Variants in MALRD1 observed in about 807,000 individuals in gnomAD.
The protein encoded by MALRD1 is MAM and LDL-receptor class A domain-containing protein 1.
A neutral mutation model predicts 242.1 loss-of-function variants in MALRD1; 247 were observed. That is an observed-to-expected ratio of 1.02 (90% confidence interval 0.92 to 1.13). MALRD1 has a LOEUF of 1.13. Among genes scored for constraint, MALRD1 ranks in the 50% most tolerant of loss-of-function variants. MALRD1 has a pLI of 0.00. For missense variants in MALRD1, 2,989 were observed against 2,533.1 expected (o/e 1.18, Z -3.86); for synonymous variants, 995 against 866.6 (o/e 1.15, Z -2.60).
At chr10:19,322,873 G>T (rs1842959961) in intron 21 of MALRD1, among the ~76,000 whole-genome samples, 2 of 152,082 alleles carry the variant, frequency 1.3e-5, no homozygotes, top group Non-Finnish European at 2.9e-5. Context: ...TTAGAAAGTG[G>T]CAAGAAATCA....
At chr10:19,675,761 C>A (rs1842112432) in intron 36 of MALRD1, among the ~76,000 whole-genome samples, 1 of 152,202 alleles carries the variant, frequency 6.6e-6, no homozygotes, top group African/African-American at 2.4e-5. Context: ...GATGGACAAG[C>A]TTGTGCTAAT....
At chr10:19,668,399 A>G (rs1448920549) in intron 36 of MALRD1, among the ~76,000 whole-genome samples, 1 of 152,146 alleles carries the variant, frequency 6.6e-6, no homozygotes, top group African/African-American at 2.4e-5. Context: ...GACCTAAAAC[A>G]TAGCCCTTCA....
chr10:19,639,098 A>G (rs1158908458), intron 36 of MALRD1, among the ~76,000 whole-genome samples: 4 of 152,192 alleles, frequency 2.6e-5, no homozygotes, highest in Non-Finnish European at 4.4e-5. Context: ...CCAAAAGTTC[A>G]GATGTAGAAA....
chr10:19,659,520 T>G (rs1365733573), intron 36 of MALRD1, among the ~76,000 whole-genome samples: 4 of 152,170 alleles, frequency 2.6e-5, no homozygotes, highest in African/African-American at 9.6e-5. Context: ...AATTTTATTT[T>G]AAATTTTAAT....
Position 19,333,817 on chromosome 10 carries a change from T to A in MALRD1, c.3901+2235T>A, listed in dbSNP as rs962144965. On this transcript the variant is annotated intron_variant, in intron 24 of 39. Coordinates refer to ENST00000454679, the MANE Select transcript of MALRD1 (RefSeq NM_001142308.3). ...TAACCTCGCCAACATCTGTTCTTTTTTGGCTTTTTAATAAAGGCATTTTGA... is the reference window on the plus strand; with the variant it reads ...TAACCTCGCCAACATCTGTTCTTTTATGGCTTTTTAATAAAGGCATTTTGA... Among the ~76,000 whole-genome samples the A allele has an allele frequency of 3.9e-5, 6 of 152,098 alleles. No homozygotes were observed. The South Asian group carries it at 1.2e-3, about 32-fold the overall frequency.
chr10:19,177,664 G>T (rs1190657237), intron 14 of MALRD1, among the ~76,000 whole-genome samples: 1 of 152,078 alleles, frequency 6.6e-6, no homozygotes, highest in Non-Finnish European at 1.5e-5. Flanking sequence ...GTTTTTATTT[G>T]TTTTTCAGCC....
chr10:19,315,538 A>T (rs1344113509), intron 21 of MALRD1, among the ~76,000 whole-genome samples: 1 of 128,380 alleles, frequency 7.8e-6, no homozygotes, highest in African/African-American at 3.1e-5. Context: ...ATTTATATAA[A>T]TATATAAAAA....
chr10:19,717,843 C>G (rs1268221834), intron 38 of MALRD1, among the ~76,000 whole-genome samples: 4 of 151,896 alleles, frequency 2.6e-5, no homozygotes, highest in Admixed American at 6.6e-5. Flanking sequence ...ATGGCAAAAC[C>G]CTGTTTCTAC....
At chr10:19,125,299 TTCCTTCCTTCC>T (rs1837224581) in intron 7 of MALRD1, among the ~76,000 whole-genome samples, 1 of 50,378 alleles carries the variant, frequency 2.0e-5, no homozygotes, top group South Asian at 7.1e-4. Flanking sequence ...CTTTCCTTCC[TTCCTTCCTTCC>T]TTCCTTCCTT....
At chr10:19,214,711 ATTAAC>A (rs1213733869) in intron 18 of MALRD1, among the ~76,000 whole-genome samples, 1 of 152,206 alleles carries the variant, frequency 6.6e-6, no homozygotes, top group East Asian at 1.9e-4. Context: ...CTTATACATT[ATTAAC>A]TTAAGAAAAA....
At chr10:19,473,482 C>T (rs1836591821) in intron 29 of MALRD1, among the ~76,000 whole-genome samples, 2 of 150,500 alleles carry the variant, frequency 1.3e-5, no homozygotes, top group South Asian at 4.1e-4. Context: ...GCATCATTTT[C>T]TCCTTCCCCA....
chr10:19,071,942 T>C (rs930978975), intron 2 of MALRD1, among the ~76,000 whole-genome samples: 1 of 152,200 alleles, frequency 6.6e-6, no homozygotes, highest in Non-Finnish European at 1.5e-5. Flanking sequence ...CTCCGCATGC[T>C]CTTCCAGGAC....
chr10:19,452,878 GCATCTGGCTGTGT>G (rs1192457825), intron 29 of MALRD1, among the ~76,000 whole-genome samples: 6 of 152,142 alleles, frequency 3.9e-5, no homozygotes, highest in Admixed American at 2.0e-4. Context: ...TGTGGGCATG[GCATCTGGCTGTGT>G]CATCTGGCTC....
intron 33 of MALRD1, among the ~76,000 whole-genome samples, chr10:19,579,527 A>C (rs951421738): frequency 2.0e-5 from 3 of 152,220 alleles, no homozygotes; most frequent in African/African-American, 7.2e-5. Context: ...CCTGCTCATA[A>C]TTTCTGTGAG....
intron 29 of MALRD1, among the ~76,000 whole-genome samples, chr10:19,482,699 A>AC (rs1837053747): frequency 5.3e-5 from 8 of 151,652 alleles, no homozygotes; most frequent in South Asian, 2.1e-4. Flanking sequence ...ACATACACAC[A>AC]AAGCAAAAAA....
At position 19,382,264 on chromosome 10, in the gene MALRD1, A is replaced by G. The variant is rs147524324; in HGVS notation, c.4442-5264A>G. 3.5e-3 allele frequency among the ~76,000 whole-genome samples: 527 copies of G among 152,262 alleles called. 4 individuals are homozygous for G. Among genetic ancestry groups the G allele is most frequent in the African/African-American group, 0.012 (508 of 41,534 alleles). ...CTGTAAAAATAAATAGAATTTTGAC[A>G]TTCACAACAGGCCTGATCTACTTGT... On this transcript the variant is annotated intron_variant, in intron 26 of 39. Coordinates refer to ENST00000454679, the MANE Select transcript of MALRD1 (RefSeq NM_001142308.3).
chr10:19,719,206 A>ATATGTG (rs1834590983), intron 38 of MALRD1, among the ~76,000 whole-genome samples: 1 of 65,724 alleles, frequency 1.5e-5, no homozygotes, highest in East Asian at 4.0e-4. Context: ...ATATATATAT[A>ATATGTG]TATATACACA....
chr10:19,348,910 C>T (rs1284592298), intron 25 of MALRD1, among the ~76,000 whole-genome samples: 1 of 152,116 alleles, frequency 6.6e-6, no homozygotes, highest in African/African-American at 2.4e-5. Context: ...CTAGAGTGTT[C>T]CCCAATGTTT....
rs369976188 is a variant in MALRD1 at position 19,123,686 on chromosome 10, T to C, written c.796+93T>C. Reference sequence around the variant, plus strand: ...AGGAAAGTGCACGCGCCAACCTTTGTTGACATTAATGTCCTAGTTTTAGCT... The same window carrying C: ...AGGAAAGTGCACGCGCCAACCTTTGCTGACATTAATGTCCTAGTTTTAGCT... On this transcript the variant is annotated intron_variant, in intron 6 of 39. Transcript: ENST00000454679. 82 of 621,448 alleles carry C rather than the reference T, an allele frequency of 1.3e-4. No homozygotes were observed. In the African/African-American group the frequency reaches 1.5e-3, roughly 11 times the overall value. 38.5% of individuals were successfully genotyped at this position (621,448 alleles called of 1,614,324 possible).
Sources: gnomAD v4.1 joint callset for allele counts (sites outside exome capture counted in the v4.1 genomes callset) on GRCh38, gnomAD v4.1.1 for gene constraint, MANE v1.5 for transcripts, NCBI Gene and HGNC (gene_info 2026-07-23, HGNC 2026-07-21) for gene names.